The following C12orf42 variants were observed in gnomAD, a reference collection of about 807,000 sequenced individuals.
C12orf42 encodes chromosome 12 open reading frame 42.
C12orf42 carries 25 observed loss-of-function variants against 21.6 expected under a neutral mutation model. The ratio of observed to expected loss-of-function variants is 1.16; its 90% CI spans 0.84 to 1.62. The LOEUF (loss-of-function observed/expected upper bound fraction) is 1.62, where lower values mean the gene tolerates loss of function less well. Ranked by LOEUF, C12orf42 falls within the 40% of genes most tolerant of loss-of-function variation. C12orf42 has a pLI of 0.00. For synonymous variants in C12orf42, 174 were observed against 175.0 expected (o/e 0.99, Z 0.05); for missense variants, 483 against 459.3 (o/e 1.05, Z -0.47).
the C12orf42 span, among the ~76,000 whole-genome samples, chr12:103,170,976 C>T: frequency 8.5e-5 from 13 of 152,068 alleles, no homozygotes; most frequent in African/African-American, 3.1e-4. Context: ...TCTTTTTACC[C>T]TATACTCATC....
the C12orf42 span, among the ~76,000 whole-genome samples, chr12:103,526,296 T>C: frequency 6.6e-6 from 1 of 152,244 alleles, no homozygotes; most frequent in Non-Finnish European, 1.5e-5. Flanking sequence ...TAAGCTACTC[T>C]GGTTGTCAGA....
At chr12:103,159,474 G>A in the C12orf42 span, 1 of 152,318 alleles carries the variant, frequency 6.6e-6, no homozygotes, top group South Asian at 2.1e-4. Flanking sequence ...TTCCAGTCTT[G>A]TCACTAATGG....
At chr12:103,091,852 T>G in the C12orf42 span, among the ~76,000 whole-genome samples, 1 of 152,212 alleles carries the variant, frequency 6.6e-6, no homozygotes, top group Admixed American at 6.5e-5. Context: ...AGACCAAATC[T>G]TGTCCTCACC....
the C12orf42 span, among the ~76,000 whole-genome samples, chr12:103,183,835 A>G: frequency 1.3e-5 from 2 of 152,148 alleles, no homozygotes; most frequent in African/African-American, 4.8e-5. Context: ...TGGATTATTT[A>G]GAAATGTATT....
At chr12:103,224,127 A>G in the C12orf42 span, among the ~76,000 whole-genome samples, 2 of 152,180 alleles carry the variant, frequency 1.3e-5, no homozygotes, top group South Asian at 2.1e-4. Flanking sequence ...CTACCTATCC[A>G]GTGAAAGTAT....
chr12:103,281,915 AAAAGAAAGAAAGAAAGAAAG>A (rs3063699), intron 4 of C12orf42, among the ~76,000 whole-genome samples: 89 of 141,944 alleles, frequency 6.3e-4, no homozygotes, highest in African/African-American at 2.1e-3. Context: ...AGAAGAAAGA[AAAAGAAAGAAAGAAAGAAAG>A]AAAGAAAGAA....
At chr12:103,438,583 A>C (rs2139497909) in intron 2 of C12orf42, among the ~76,000 whole-genome samples, 1 of 152,224 alleles carries the variant, frequency 6.6e-6, no homozygotes, top group Admixed American at 6.5e-5. Flanking sequence ...ATCAATGTAC[A>C]AAAATCACAA....
At chr12:103,199,565 A>T in the C12orf42 span, among the ~76,000 whole-genome samples, 5 of 152,194 alleles carry the variant, frequency 3.3e-5, no homozygotes, top group East Asian at 5.8e-4. Flanking sequence ...CACATATTTG[A>T]TAAAGGGTTA....
intron 4 of C12orf42, among the ~76,000 whole-genome samples, chr12:103,332,228 A>T (rs897571547): frequency 2.0e-5 from 3 of 152,206 alleles, no homozygotes; most frequent in African/African-American, 7.2e-5. Context: ...ATTCACCATC[A>T]TTCCATTTCA....
In C12orf42 at chr12:103,353,170, C is replaced by A. The variant is rs562466493; in HGVS notation, c.259+15717G>T. Among the ~76,000 whole-genome samples the A allele has an allele frequency of 5.3e-5, 8 of 152,090 alleles. No individual in the cohort carries two copies. The South Asian group carries it at 6.2e-4, about 12-fold the overall frequency. On this transcript the variant is annotated intron_variant, in intron 4 of 5. Coordinates refer to ENST00000548883, the MANE Select transcript of C12orf42 (RefSeq NM_198521.5). ...GTTTTCCCTAAGGCGCAAAACAAGA[C>A]TTTTGCACACTGAGAAATGCAGAGA...
chr12:103,191,543 C>CAAAAAAAAAAAAAAAAAAAAAAA, the C12orf42 span, among the ~76,000 whole-genome samples: 1 of 58,106 alleles, frequency 1.7e-5, no homozygotes, highest in African/African-American at 7.5e-5. Flanking sequence ...CTCCACTCTA[C>CAAAAAAAAAAAAAAAAAAAAAAA]AAAAAAAAAA....
At chr12:103,465,145 A>T (rs1005412966) in intron 2 of C12orf42, among the ~76,000 whole-genome samples, 1 of 152,140 alleles carries the variant, frequency 6.6e-6, no homozygotes. Flanking sequence ...AAGAATGTCA[A>T]TGTTAGTTTA....
intron 1 of C12orf42, among the ~76,000 whole-genome samples, chr12:103,492,716 G>T (rs1200890668): frequency 6.6e-6 from 1 of 152,092 alleles, no homozygotes; most frequent in Non-Finnish European, 1.5e-5. Flanking sequence ...ATCCCAAGAA[G>T]CTTAGGAAAG....
chr12:103,370,730 G>C (rs1047971777), intron 3 of C12orf42, among the ~76,000 whole-genome samples: 2 of 152,062 alleles, frequency 1.3e-5, no homozygotes, highest in African/African-American at 4.8e-5. Context: ...GCCTACTTGA[G>C]GGTGGAGTGG....
intron 1 of C12orf42, among the ~76,000 whole-genome samples, chr12:103,482,705 T>C (rs1388754674): frequency 6.6e-6 from 1 of 152,170 alleles, no homozygotes; most frequent in Non-Finnish European, 1.5e-5. Context: ...TCTCAACTTA[T>C]GTTTCTATTA....
chr12:103,318,011 T>C (rs912355119), intron 4 of C12orf42, among the ~76,000 whole-genome samples: 2 of 152,192 alleles, frequency 1.3e-5, no homozygotes, highest in Non-Finnish European at 1.5e-5. Flanking sequence ...TGTTTTAATA[T>C]TACCAACATG....
intron 4 of C12orf42, among the ~76,000 whole-genome samples, chr12:103,319,082 A>C (rs1218688840): frequency 6.6e-6 from 1 of 152,086 alleles, no homozygotes; most frequent in East Asian, 1.9e-4. Context: ...CAGAACATAC[A>C]TTTTCTCACT....
At chr12:103,248,669 T>G (rs1022895131) in intron 10 of C12orf42, among the ~76,000 whole-genome samples, 1 of 152,048 alleles carries the variant, frequency 6.6e-6, no homozygotes, top group African/African-American at 2.4e-5. Flanking sequence ...TGTAGTTTTT[T>G]GAGGCAGCCT....
At chr12:103,429,972 G>A (rs12310323) in intron 2 of C12orf42, among the ~76,000 whole-genome samples, 29,124 of 152,006 alleles carry the variant, frequency 0.19, 3,343 homozygotes, top group East Asian at 0.35. Context: ...AATTAACTCA[G>A]GATGGATTAA....
Sources: allele counts gnomAD v4.1 joint callset (sites outside exome capture counted in the v4.1 genomes callset), GRCh38; gene constraint gnomAD v4.1.1; transcripts MANE v1.5; gene names NCBI Gene and HGNC (gene_info 2026-07-23, HGNC 2026-07-21).